The following METTL8 variants were observed in gnomAD, a reference collection of about 807,000 sequenced individuals.
The protein encoded by METTL8 is tRNA N(3)-cytidine methyltransferase METTL8, mitochondrial.
Under a neutral mutation model 48.7 loss-of-function variants are expected in METTL8, and 32 were observed. That is an observed-to-expected ratio of 0.66 (90% CI 0.50 to 0.88). The LOEUF (loss-of-function observed/expected upper bound fraction) is 0.88. Ranked by LOEUF, METTL8 falls within the 40% of genes least tolerant of loss-of-function variation. The pLI is 0.00. For missense variants in METTL8, 464 were observed against 474.4 expected, an observed-to-expected ratio of 0.98 and a Z score of 0.20; for synonymous variants, 136 against 157.1, an observed-to-expected ratio of 0.87 and a Z score of 1.01.
At chr2:171,327,110 C>G (rs1159573524) in intron 7 of METTL8, 1 of 152,254 alleles carries the variant, frequency 6.6e-6, no homozygotes, top group Non-Finnish European at 1.5e-5. Context: ...ATTCTCTCCT[C>G]CTTACTGTCT....
intron 6 of METTL8, among the ~76,000 whole-genome samples, chr2:171,331,121 T>C (rs1294314882): frequency 6.6e-6 from 1 of 152,200 alleles, no homozygotes; most frequent in Non-Finnish European, 1.5e-5. Context: ...CCTTTCTTTC[T>C]TTCTTTTTGA....
chr2:171,357,321 A>G (rs1166417070), intron 3 of METTL8, among the ~76,000 whole-genome samples: 2 of 152,214 alleles, frequency 1.3e-5, no homozygotes, highest in African/African-American at 4.8e-5. Context: ...TAGAACTGAT[A>G]CATTTAGTAA....
At chr2:171,345,530 T>TA (rs1283629084) in intron 3 of METTL8, among the ~76,000 whole-genome samples, 2 of 152,192 alleles carry the variant, frequency 1.3e-5, no homozygotes, top group African/African-American at 2.4e-5. Context: ...GAGCACTGCA[T>TA]AAAATTTTAA....
At position 171,392,154 on chromosome 2, in the gene METTL8, C is replaced by T. The variant is rs1291663453; in HGVS notation, c.32G>A (p.Cys11Tyr). MNMIWRNSIS[C>Y]LRLGKVPHRY... is the part of the protein sequence containing the mutation. ...GTGTGGCACCTTTCCTAGCCTTAGACAAGAAATGGAATTTCTCCAAATCAT... is the reference window on the plus strand; with the variant it reads ...GTGTGGCACCTTTCCTAGCCTTAGATAAGAAATGGAATTTCTCCAAATCAT... The change falls in exon 2 of 10, where the codon TGT becomes TAT. Residue 11 changes from cysteine to tyrosine, a missense_variant. By Grantham distance (194) the Cys-to-Tyr change is radical. Transcript: ENST00000375258. The T allele has an allele frequency of 1.3e-6, 2 of 1,551,430 alleles. No homozygotes were observed. The highest frequency in any genetic ancestry group is 2.7e-5 in the African/African-American group (2 of 73,010).
intron 3 of METTL8, among the ~76,000 whole-genome samples, chr2:171,351,463 T>C (rs1458371042): frequency 1.3e-5 from 2 of 152,216 alleles, no homozygotes; most frequent in Non-Finnish European, 2.9e-5. Flanking sequence ...TTTGTTTCCA[T>C]ATGAACTTTC....
At chr2:171,400,832 A>G (rs563312700) in intron 1 of METTL8, among the ~76,000 whole-genome samples, 1 of 152,200 alleles carries the variant, frequency 6.6e-6, no homozygotes, top group Admixed American at 6.5e-5. Flanking sequence ...TAGAGCAAAC[A>G]GTACTGCTGT....
At chr2:171,388,598 A>T (rs1006550725) in intron 2 of METTL8, among the ~76,000 whole-genome samples, 1 of 152,176 alleles carries the variant, frequency 6.6e-6, no homozygotes, top group Non-Finnish European at 1.5e-5. Context: ...TGTGTCAGGC[A>T]TTGTGCTATG....
intron 2 of METTL8, among the ~76,000 whole-genome samples, chr2:171,367,727 C>T (rs1266910259): frequency 6.6e-6 from 1 of 152,182 alleles, no homozygotes; most frequent in Middle Eastern, 3.4e-3. Flanking sequence ...TAGAGGTAAA[C>T]TGTATGACAA....
At chr2:171,324,470 A>G (rs755060456) in intron 9 of METTL8, 108 bp from the exon 10 acceptor site, 38 of 997,082 alleles carry the variant, frequency 3.8e-5, no homozygotes, top group Non-Finnish European at 5.3e-5. Flanking sequence ...CATTTATACA[A>G]GAAACACTCT....
intron 7 of METTL8, chr2:171,327,114 A>T (rs899484886): frequency 5.9e-5 from 9 of 152,012 alleles, no homozygotes; most frequent in African/African-American, 2.2e-4. Flanking sequence ...TCTCCTCCTT[A>T]CTGTCTGCCT....
chr2:171,431,029 A>C (rs75182749), intron 1 of METTL8, among the ~76,000 whole-genome samples: 11,574 of 152,176 alleles, frequency 0.076, 771 homozygotes, highest in African/African-American at 0.18. Flanking sequence ...AGAGAGGCCA[A>C]ACTACTTTGG....
chr2:171,330,428 C>G, intron 7 of METTL8, 131 bp downstream of exon 7: 1 of 784,702 alleles, frequency 1.3e-6, no homozygotes, highest in Non-Finnish European at 2.0e-6. Flanking sequence ...CTTTAAAAGG[C>G]TGTGTATTAT....
chr2:171,419,906 CCT>C (rs1490319177), intron 1 of METTL8, among the ~76,000 whole-genome samples: 2 of 152,008 alleles, frequency 1.3e-5, no homozygotes, highest in African/African-American at 2.4e-5. Context: ...CCCCAAACTC[CCT>C]GTTTCTGTTA....
rs1334342445 is a variant in METTL8 at position 171,400,346 on chromosome 2, T to C, written c.-12-8149A>G. Among the ~76,000 whole-genome samples, 10 of 152,162 alleles carry C rather than the reference T, an allele frequency of 6.6e-5. No homozygotes were observed. In the East Asian group the frequency reaches 1.5e-3, roughly 23 times the overall value. On this transcript the variant is annotated intron_variant, in intron 1 of 9. Transcript: ENST00000375258. Reference sequence around the variant, plus strand: ...TATAATTCACCCATTTGCCTTCTACTTTTGTACACCACATATACAAGAAGG... The same window carrying C: ...TATAATTCACCCATTTGCCTTCTACCTTTGTACACCACATATACAAGAAGG...
intron 1 of METTL8, among the ~76,000 whole-genome samples, chr2:171,421,827 C>T (rs1230525085): frequency 6.6e-6 from 1 of 152,046 alleles, no homozygotes; most frequent in African/African-American, 2.4e-5. Flanking sequence ...ATGCGGGCAT[C>T]CTGGAACCAA....
At chr2:171,374,321 T>C (rs1452839360) in intron 2 of METTL8, among the ~76,000 whole-genome samples, 4 of 152,202 alleles carry the variant, frequency 2.6e-5, no homozygotes, top group Non-Finnish European at 4.4e-5. Flanking sequence ...ACAGGTACAA[T>C]AATTTCTTAA....
At position 171,323,178 on chromosome 2, in the gene METTL8, T is replaced by C. The variant is rs1684617989; in HGVS notation, c.*994A>G. 1 of 151,632 alleles carries C rather than the reference T, an allele frequency of 6.6e-6. No individual in the cohort carries two copies. Among genetic ancestry groups the C allele is most frequent in the African/African-American group, 2.4e-5 (1 of 41,342 alleles). The allele number at this position is 151,632 out of a possible 1,614,324, so 9.4% of individuals were successfully genotyped here. On this transcript the variant is annotated 3_prime_UTR_variant, in exon 10 of 10. Transcript: ENST00000375258. ...ACACAGTCCCTATTCAAGATGAAGTTGCTCTGGTTCAAAAGCCCTTGATAC... is the reference window on the plus strand; with the variant it reads ...ACACAGTCCCTATTCAAGATGAAGTCGCTCTGGTTCAAAAGCCCTTGATAC...
At chr2:171,371,836 C>CTATTATTAT (rs4027587) in intron 2 of METTL8, among the ~76,000 whole-genome samples, 7,354 of 143,806 alleles carry the variant, frequency 0.051, 220 homozygotes, top group African/African-American at 0.078. Context: ...GTTATTATTA[C>CTATTATTAT]TATTATTATT....
intron 1 of METTL8, among the ~76,000 whole-genome samples, chr2:171,431,438 C>G (rs1159405730): frequency 6.6e-5 from 10 of 152,216 alleles, no homozygotes; most frequent in African/African-American, 2.4e-4. Flanking sequence ...ATAAATTCTA[C>G]TCCACTCACT....
Sources: gnomAD v4.1 joint callset for allele counts (sites outside exome capture counted in the v4.1 genomes callset) on GRCh38, gnomAD v4.1.1 for gene constraint, MANE v1.5 for transcripts, NCBI Gene and HGNC (gene_info 2026-07-23, HGNC 2026-07-21) for gene names.